The following ZBTB46 variants were observed in gnomAD, a reference collection of about 807,000 sequenced individuals.
ZBTB46 encodes the protein zinc finger and BTB domain-containing protein 46.
Under a neutral mutation model 44.1 loss-of-function variants are expected in ZBTB46, and 8 were observed. The ratio of observed to expected loss-of-function variants is 0.18; its 90% CI spans 0.11 to 0.33. ZBTB46 has a LOEUF of 0.33. ZBTB46 is among the 10% of genes least tolerant of loss of function. The probability of loss-of-function intolerance (pLI) is 1.00; values close to 1 mark genes in which losing one functional copy is unlikely to be tolerated. For missense variants in ZBTB46, 651 were observed against 847.7 expected, an observed-to-expected ratio of 0.77 and a Z score of 2.88; for synonymous variants, 409 against 382.3, an observed-to-expected ratio of 1.07 and a Z score of -0.81.
At position 63,745,693 on chromosome 20, in the gene ZBTB46, C is replaced by T. The variant is rs574106118; in HGVS notation, c.*1237G>A. On this transcript the variant is annotated 3_prime_UTR_variant, in exon 5 of 5. Coordinates refer to ENST00000245663, the MANE Select transcript of ZBTB46 (RefSeq NM_001369741.1). ...TCCTCATGGTGAGTGCTGTCAGAGG[C>T]AGGCCTGAACGAGAAGACAGGCCGT... is the stretch of plus-strand genomic sequence containing the variant. 6.6e-6 allele frequency: 1 copy of T among 152,420 alleles called. No homozygotes were observed. The highest frequency in any genetic ancestry group is 1.5e-5 in the Non-Finnish European group (1 of 68,050). 9.4% of individuals were successfully genotyped at this position (152,420 alleles called of 1,614,324 possible). A position where few individuals can be genotyped will look rare whatever the true frequency, so the allele number is the denominator to read the frequency against.
intron 1 of ZBTB46, among the ~76,000 whole-genome samples, chr20:63,822,299 C>T (rs1460566732): frequency 1.3e-5 from 2 of 152,186 alleles, no homozygotes; most frequent in African/African-American, 4.8e-5. Flanking sequence ...TGAGTTCAAG[C>T]GCCCTGAATT....
intron 1 of ZBTB46, among the ~76,000 whole-genome samples, chr20:63,808,589 C>T (rs1337962940): frequency 6.6e-6 from 1 of 152,172 alleles, no homozygotes; most frequent in Non-Finnish European, 1.5e-5. Context: ...GACCTGAGCT[C>T]CTCCAGCGTG....
chr20:63,792,167 A>G (rs1224259023), intron 1 of ZBTB46, among the ~76,000 whole-genome samples: 1 of 152,112 alleles, frequency 6.6e-6, no homozygotes, highest in Non-Finnish European at 1.5e-5. Flanking sequence ...CCTGTTTCCA[A>G]TAAGGTCACA....
chr20:63,808,346 C>A (rs1247964175), intron 1 of ZBTB46, among the ~76,000 whole-genome samples: 1 of 152,220 alleles, frequency 6.6e-6, no homozygotes, highest in African/African-American at 2.4e-5. Flanking sequence ...GGGGGCTGAG[C>A]GCAGGGGAGG....
intron 3 of ZBTB46, among the ~76,000 whole-genome samples, chr20:63,759,734 G>A (rs984665910): frequency 6.6e-6 from 1 of 152,112 alleles, no homozygotes; most frequent in Non-Finnish European, 1.5e-5. Flanking sequence ...CGTGCTCAGA[G>A]GCTAAGTCAT....
At position 63,747,037 on chromosome 20, in the gene ZBTB46, G is replaced by A. The variant is rs1245879445; in HGVS notation, c.1663C>T (p.Leu555=). Reference sequence around the variant, plus strand: ...GCCAACAGCGCATCCTCAGGGGCCAGGCCCTCGTCGTCCTCGCCCAGCTCC... The same window carrying A: ...GCCAACAGCGCATCCTCAGGGGCCAAGCCCTCGTCGTCCTCGCCCAGCTCC... ...AEELGEDDEG[L]APEDALLADD... The change falls in exon 5 of 5, where the codon CTG becomes TTG. Residue 555 remains leucine, a synonymous_variant. Transcript: ENST00000245663. The A allele has an allele frequency of 1.2e-6, 2 of 1,608,260 alleles. No individual in the cohort carries two copies. The highest frequency in any genetic ancestry group is 1.1e-5 in the South Asian group (1 of 91,062).
chr20:63,810,502 T>C (rs1601521731), intron 1 of ZBTB46, among the ~76,000 whole-genome samples: 1 of 152,012 alleles, frequency 6.6e-6, no homozygotes, highest in East Asian at 1.9e-4. Flanking sequence ...TCCTAGCACT[T>C]TGGGAGGCTG....
chr20:63,831,539 C>A (rs2092852564), upstream of ZBTB46, among the ~76,000 whole-genome samples: 1 of 148,180 alleles, frequency 6.7e-6, no homozygotes, highest in African/African-American at 2.5e-5. Context: ...GAAGTGCGGG[C>A]TGGAGCTCGC....
At chr20:63,749,547 A>C (rs535635019) in intron 4 of ZBTB46, among the ~76,000 whole-genome samples, 1 of 152,168 alleles carries the variant, frequency 6.6e-6, no homozygotes, top group Non-Finnish European at 1.5e-5. Context: ...CGTGTTAGCC[A>C]GGATGGTCTC....
At chr20:63,785,272 A>G (rs1210524847) in intron 2 of ZBTB46, among the ~76,000 whole-genome samples, 3 of 147,184 alleles carry the variant, frequency 2.0e-5, no homozygotes, top group Admixed American at 6.9e-5. Context: ...AGGAAAAGGG[A>G]CTTTGTGGCC....
At chr20:63,823,935 C>T (rs1232665024) in intron 1 of ZBTB46, among the ~76,000 whole-genome samples, 3 of 149,174 alleles carry the variant, frequency 2.0e-5, no homozygotes, top group Non-Finnish European at 4.4e-5. Context: ...AAATGTAAAC[C>T]GTTGAATGGG....
rs115752230 is a variant in ZBTB46, at chr20:63,790,053, C to T, written c.705G>A (p.Pro235=). Residue 235 remains proline, a synonymous_variant, in exon 2 of 5, where the codon CCG becomes CCA. Coordinates refer to ENST00000245663, the MANE Select transcript of ZBTB46 (RefSeq NM_001369741.1). ...PLRIKEEQVS[P]SQYGGSELPS... ...GCAGCTCGCTCCCTCCGTACTGAGACGGTGAAACCTGCTCTTCCTTGATGC... is the reference window on the plus strand; with the variant it reads ...GCAGCTCGCTCCCTCCGTACTGAGATGGTGAAACCTGCTCTTCCTTGATGC... 1.1e-5 allele frequency: 17 copies of T among 1,613,910 alleles called. No homozygotes were observed. The highest frequency in any genetic ancestry group is 5.5e-5 in the South Asian group (5 of 91,080).
At chr20:63,816,056 GGTGGGCGCAGGTGCA>G (rs1269505896) in intron 1 of ZBTB46, among the ~76,000 whole-genome samples, 1 of 135,112 alleles carries the variant, frequency 7.4e-6, no homozygotes, top group Non-Finnish European at 1.6e-5. Flanking sequence ...GTGCAGGTGC[GGTGGGCGCAGGTGCA>G]GTGGGCACAG....
At chr20:63,759,982 T>C (rs2092259525) in intron 3 of ZBTB46, among the ~76,000 whole-genome samples, 2 of 152,240 alleles carry the variant, frequency 1.3e-5, no homozygotes, top group African/African-American at 2.4e-5. Flanking sequence ...GTTCTTGGAA[T>C]GAGCCTGCGG....
chr20:63,799,980 T>C (rs1460091032), intron 1 of ZBTB46, among the ~76,000 whole-genome samples: 3 of 152,108 alleles, frequency 2.0e-5, no homozygotes, highest in East Asian at 1.9e-4. Context: ...GACAGACTCA[T>C]GCGTGAACGT....
intron 1 of ZBTB46, among the ~76,000 whole-genome samples, chr20:63,791,706 C>T (rs1301475913): frequency 1.3e-5 from 2 of 152,126 alleles, no homozygotes; most frequent in Admixed American, 6.5e-5. Flanking sequence ...CGGCTGCCAG[C>T]GCCCTGGACG....
chr20:63,822,460 A>G (rs999185725), intron 1 of ZBTB46, among the ~76,000 whole-genome samples: 2 of 152,194 alleles, frequency 1.3e-5, no homozygotes, highest in African/African-American at 4.8e-5. Context: ...GGCCCCGACA[A>G]AGGAGCACAG....
At chr20:63,755,158 C>G (rs984279910) in intron 3 of ZBTB46, among the ~76,000 whole-genome samples, 2 of 152,254 alleles carry the variant, frequency 1.3e-5, no homozygotes, top group Non-Finnish European at 2.9e-5. Context: ...GGACGGTCCC[C>G]TCACCACCTG....
intron 2 of ZBTB46, among the ~76,000 whole-genome samples, chr20:63,776,752 C>T (rs1601444004): frequency 6.7e-6 from 1 of 149,254 alleles, no homozygotes; most frequent in East Asian, 2.0e-4. Context: ...TGCAATGAGC[C>T]GAGATCACAC....
Sources: allele counts gnomAD v4.1 joint callset (sites outside exome capture counted in the v4.1 genomes callset), GRCh38; gene constraint gnomAD v4.1.1; transcripts MANE v1.5; gene names NCBI Gene and HGNC (gene_info 2026-07-23, HGNC 2026-07-21).